CLVS1: variants seen among roughly 807,000 people sequenced by gnomAD.
The protein encoded by CLVS1 is clavesin 1, also known as clavesin-1.
CLVS1 carries 10 observed loss-of-function variants against 33.1 expected under a neutral mutation model. The ratio of observed to expected loss-of-function variants is 0.30; its 90% CI spans 0.19 to 0.51. The LOEUF is 0.51. CLVS1 is among the 20% of genes least tolerant of loss of function. The probability of loss-of-function intolerance (pLI) is 0.97; values close to 1 mark genes in which losing one functional copy is unlikely to be tolerated. For missense variants in CLVS1, 343 were observed against 433.4 expected, an observed-to-expected ratio of 0.79 and a Z score of 1.85; for synonymous variants, 163 against 166.1, an observed-to-expected ratio of 0.98 and a Z score of 0.14.
intron 2 of CLVS1, among the ~76,000 whole-genome samples, chr8:61,331,302 G>A (rs1284040172): frequency 6.6e-6 from 1 of 151,922 alleles, no homozygotes. Flanking sequence ...ATTTCCTGGT[G>A]TTCTGTAATT....
chr8:61,041,259 A>G, the CLVS1 span, among the ~76,000 whole-genome samples: 4 of 151,992 alleles, frequency 2.6e-5, no homozygotes, highest in African/African-American at 4.8e-5. Flanking sequence ...TTCAAGTCAG[A>G]CAATGTAATG....
At chr8:61,469,725 C>A (rs1817672942) in intron 5 of CLVS1, among the ~76,000 whole-genome samples, 1 of 152,156 alleles carries the variant, frequency 6.6e-6, no homozygotes. Flanking sequence ...AACAGGAGGA[C>A]CGTTGTCTTC....
intron 2 of CLVS1, among the ~76,000 whole-genome samples, chr8:61,369,649 C>T (rs1813353736): frequency 6.6e-6 from 1 of 152,222 alleles, no homozygotes; most frequent in Admixed American, 6.5e-5. Flanking sequence ...GAGGCTCCTT[C>T]ACACGTATTA....
rs912079459 is a variant in CLVS1, at chr8:61,500,527, T to C, written c.*985T>C. 1 of 152,212 alleles carries C rather than the reference T, an allele frequency of 6.6e-6. No individual in the cohort carries two copies. The highest frequency in any genetic ancestry group is 1.5e-5 in the Non-Finnish European group (1 of 68,038). The allele number at this position is 152,212 out of a possible 1,614,324, so 9.4% of individuals were successfully genotyped here. ...TATGGATGGCTAAATATGCAAGTAC[T>C]GAAGTAAGAGAAGACTAGAAATGCA... On this transcript the variant is annotated 3_prime_UTR_variant, in exon 6 of 6. Transcript: ENST00000325897.
intron 2 of CLVS1, among the ~76,000 whole-genome samples, chr8:61,259,607 T>C (rs1809156265): frequency 6.6e-6 from 1 of 152,232 alleles, no homozygotes; most frequent in Non-Finnish European, 1.5e-5. Context: ...AAGAACGAGA[T>C]GATGTAGGCA....
At chr8:61,043,386 C>T in the CLVS1 span, among the ~76,000 whole-genome samples, 26 of 152,198 alleles carry the variant, frequency 1.7e-4, no homozygotes, top group African/African-American at 3.4e-4. Flanking sequence ...TGACACATGA[C>T]GCAGAGGTAG....
intron 2 of CLVS1, among the ~76,000 whole-genome samples, chr8:61,165,166 G>T (rs991694257): frequency 1.3e-5 from 2 of 152,250 alleles, no homozygotes; most frequent in Admixed American, 6.5e-5. Context: ...GTGGCAACGG[G>T]CACCTCCTTG....
At chr8:61,444,459 G>A (rs1048975889) in intron 3 of CLVS1, among the ~76,000 whole-genome samples, 4 of 152,224 alleles carry the variant, frequency 2.6e-5, no homozygotes, top group Admixed American at 1.3e-4. Context: ...TTTTGCCAAA[G>A]TCTTTTTATG....
chr8:61,045,786 C>T, the CLVS1 span, among the ~76,000 whole-genome samples: 21 of 152,268 alleles, frequency 1.4e-4, no homozygotes, highest in Non-Finnish European at 2.4e-4. Context: ...TAGTCAGGGT[C>T]CTAGGGAATG....
chr8:61,372,851 A>G (rs1453753641), intron 2 of CLVS1, among the ~76,000 whole-genome samples: 1 of 152,206 alleles, frequency 6.6e-6, no homozygotes, highest in African/African-American at 2.4e-5. Flanking sequence ...GAGGAAGATC[A>G]TAGAGGTCAA....
chr8:61,059,463 CATACATACATACATATAT>C (rs1804538261), intron 1 of CLVS1, among the ~76,000 whole-genome samples: 1 of 34,594 alleles, frequency 2.9e-5, no homozygotes, highest in African/African-American at 1.0e-4. Flanking sequence ...CACACATATA[CATACATACATACATATAT>C]ATATATATAT....
At chr8:61,056,720 C>A (rs1804478054), upstream of CLVS1, among the ~76,000 whole-genome samples, 1 of 152,214 alleles carries the variant, frequency 6.6e-6, no homozygotes, top group African/African-American at 2.4e-5. Context: ...ACTTATTTAA[C>A]CTTCCTCAGG....
intron 1 of CLVS1, among the ~76,000 whole-genome samples, chr8:61,291,532 A>G (rs1187485476): frequency 1.3e-5 from 2 of 152,196 alleles, no homozygotes; most frequent in Non-Finnish European, 1.5e-5. Flanking sequence ...GAGAGAAGTT[A>G]TGGGCCTGGG....
intron 5 of CLVS1, among the ~76,000 whole-genome samples, chr8:61,466,887 G>A (rs1401051571): frequency 2.0e-5 from 3 of 152,110 alleles, no homozygotes; most frequent in Non-Finnish European, 4.4e-5. Context: ...GATCTCAGGT[G>A]ATCCACCTGC....
At chr8:61,210,375 G>C (rs1807947286) in intron 2 of CLVS1, among the ~76,000 whole-genome samples, 1 of 152,208 alleles carries the variant, frequency 6.6e-6, no homozygotes, top group Admixed American at 6.5e-5. Flanking sequence ...CCAGGCCTCA[G>C]AACTGTGAGA....
the CLVS1 span, among the ~76,000 whole-genome samples, chr8:61,029,893 C>T: frequency 5.3e-5 from 8 of 152,256 alleles, no homozygotes; most frequent in African/African-American, 1.9e-4. Flanking sequence ...TTTTATAGCT[C>T]CTACACGTTG....
chr8:61,028,855 G>C, the CLVS1 span, among the ~76,000 whole-genome samples: 268 of 152,316 alleles, frequency 1.8e-3, no homozygotes, highest in African/African-American at 6.1e-3. Flanking sequence ...TCTTATCCTT[G>C]CTGTCTGCTG....
chr8:61,380,648 G>GT (rs1323657178), intron 3 of CLVS1, among the ~76,000 whole-genome samples: 1 of 152,080 alleles, frequency 6.6e-6, no homozygotes, highest in African/African-American at 2.4e-5. Flanking sequence ...TAAAAGAGCC[G>GT]TTGTATCTGT....
chr8:61,260,950 C>G (rs1361221111), intron 2 of CLVS1, among the ~76,000 whole-genome samples: 2 of 152,206 alleles, frequency 1.3e-5, no homozygotes, highest in African/African-American at 4.8e-5. Context: ...TGTTTCAATT[C>G]AAATTCCCGG....
Sources: allele counts gnomAD v4.1 joint callset (sites outside exome capture counted in the v4.1 genomes callset), GRCh38; gene constraint gnomAD v4.1.1; transcripts MANE v1.5; gene names NCBI Gene and HGNC (gene_info 2026-07-23, HGNC 2026-07-21).